Variants in PRKAR1A observed in about 807,000 individuals in gnomAD.
PRKAR1A encodes protein kinase cAMP-dependent type I regulatory subunit alpha.
In PRKAR1A, 3 loss-of-function variants were observed where a neutral mutation model predicts 52.0. The ratio of observed to expected loss-of-function variants is 0.06; its 90% confidence interval spans 0.03 to 0.15. The LOEUF (loss-of-function observed/expected upper bound fraction) is 0.15. Among genes scored for constraint, PRKAR1A ranks in the 10% least tolerant of loss-of-function variants. The probability of loss-of-function intolerance (pLI) is 1.00; values close to 1 mark genes in which losing one functional copy is unlikely to be tolerated. For missense variants in PRKAR1A, 240 were observed against 477.4 expected, an observed-to-expected ratio of 0.50 and a Z score of 4.63; for synonymous variants, 188 against 168.4, an observed-to-expected ratio of 1.12 and a Z score of -0.90.
intron 7 of PRKAR1A, among the ~76,000 whole-genome samples, chr17:68,527,218 A>T (rs1442473544): frequency 6.6e-6 from 1 of 152,186 alleles, no homozygotes; most frequent in Non-Finnish European, 1.5e-5. Context: ...AGGAATTAGG[A>T]ACTGTAGATA....
At position 68,531,343 on chromosome 17, in the gene PRKAR1A, C is replaced by T; in HGVS notation, c.*894C>T. 1 of 1,065,934 alleles carries T rather than the reference C, an allele frequency of 9.4e-7. No homozygotes were observed. The highest frequency in any genetic ancestry group is 1.1e-6 in the Non-Finnish European group (1 of 879,500). The allele number at this position is 1,065,934 out of a possible 1,614,324, so 66.0% of individuals were successfully genotyped here. ...CGTTTGGTTAAAGTATGTCCTTCAGCTGACTCCAGTATAATCTCCTCTGCT... is the reference window on the plus strand; with the variant it reads ...CGTTTGGTTAAAGTATGTCCTTCAGTTGACTCCAGTATAATCTCCTCTGCT... On this transcript the variant is annotated 3_prime_UTR_variant, in exon 11 of 11. Transcript: ENST00000589228.
the PRKAR1A span, among the ~76,000 whole-genome samples, chr17:68,436,960 C>G: frequency 6.6e-6 from 1 of 151,028 alleles, no homozygotes; most frequent in African/African-American, 2.4e-5. Context: ...TGCCACTGCA[C>G]TCCAGCCTGG....
chr17:68,533,460 G>A (rs369825066), downstream of PRKAR1A: 2 of 1,033,670 alleles, frequency 1.9e-6, no homozygotes, highest in Non-Finnish European at 1.2e-6. Flanking sequence ...CCTGGTTATA[G>A]TTGAATTCTC....
the PRKAR1A span, among the ~76,000 whole-genome samples, chr17:68,459,923 C>T: frequency 2.0e-5 from 3 of 151,432 alleles, no homozygotes; most frequent in Non-Finnish European, 1.5e-5. Flanking sequence ...CGGGTTCAAG[C>T]GATTCTCCTG....
At chr17:68,541,007 T>C (rs373331457) in intron 11 of PRKAR1A, 1 of 1,550,476 alleles carries the variant, frequency 6.4e-7, no homozygotes, top group Non-Finnish European at 8.7e-7. Context: ...GATGGCAGGG[T>C]GTCGGGGGTC....
Position 68,532,288 on chromosome 17 carries a change from G to A in PRKAR1A, c.*1839G>A, listed in dbSNP as rs886053316. On this transcript the variant is annotated 3_prime_UTR_variant, in exon 11 of 11. Coordinates refer to ENST00000589228, the MANE Select transcript of PRKAR1A (RefSeq NM_002734.5). Reference sequence around the variant, plus strand: ...TAAATGCCAAAATGTACTTAAATGAGTTACTTAGAATGCCATAAAATTGCA... The same window carrying A: ...TAAATGCCAAAATGTACTTAAATGAATTACTTAGAATGCCATAAAATTGCA... 1 of 1,045,930 alleles carries A rather than the reference G, an allele frequency of 9.6e-7. No individual in the cohort carries two copies. The highest frequency in any genetic ancestry group is 4.7e-5 in the South Asian group (1 of 21,498). 64.8% of individuals were successfully genotyped at this position (1,045,930 alleles called of 1,614,324 possible). A position where few individuals can be genotyped will look rare whatever the true frequency, so the allele number is the denominator to read the frequency against.
chr17:68,437,946 CTT>C, the PRKAR1A span, among the ~76,000 whole-genome samples: 2 of 77,438 alleles, frequency 2.6e-5, no homozygotes, highest in East Asian at 3.4e-4. Context: ...AGACATCTCT[CTT>C]AAAAAAAAAA....
the PRKAR1A span, among the ~76,000 whole-genome samples, chr17:68,430,528 T>C: frequency 6.6e-6 from 1 of 152,190 alleles, no homozygotes. Context: ...AGCTTGGGAC[T>C]GTGCCGGGCT....
the PRKAR1A span, among the ~76,000 whole-genome samples, chr17:68,424,203 C>G: frequency 6.6e-6 from 1 of 152,210 alleles, no homozygotes; most frequent in Non-Finnish European, 1.5e-5. Context: ...AACAACTGCT[C>G]TCCGCCACTG....
intron 11 of PRKAR1A, chr17:68,540,543 C>T (rs1423388229): frequency 5.9e-6 from 3 of 508,908 alleles, no homozygotes; most frequent in Non-Finnish European, 1.1e-5. Context: ...TCTTCCCTTC[C>T]TACCTGGTTT....
chr17:68,487,014 C>T, the PRKAR1A span, among the ~76,000 whole-genome samples: 10 of 152,036 alleles, frequency 6.6e-5, no homozygotes, highest in Non-Finnish European at 1.5e-4. Flanking sequence ...GCTGGGATTA[C>T]AGGTTTCTGC....
the PRKAR1A span, among the ~76,000 whole-genome samples, chr17:68,479,449 G>GCTCA: frequency 6.6e-6 from 1 of 152,114 alleles, no homozygotes; most frequent in Non-Finnish European, 1.5e-5. Flanking sequence ...GTTTTCCGAT[G>GCTCA]CTCACATCTA....
At chr17:68,504,945 CCTT>C in the PRKAR1A span, among the ~76,000 whole-genome samples, 1 of 152,130 alleles carries the variant, frequency 6.6e-6, no homozygotes, top group African/African-American at 2.4e-5. Context: ...AATACATACA[CCTT>C]CTATGTACCC....
intron 8 of PRKAR1A, 190 bp from the exon 9 acceptor site, chr17:68,528,680 G>C (rs1257943364): frequency 1.4e-6 from 1 of 698,210 alleles, no homozygotes; most frequent in African/African-American, 1.8e-5. Flanking sequence ...GGATCTAAGG[G>C]CTATCTGCAG....
chr17:68,430,988 CTTCATG>C, the PRKAR1A span, among the ~76,000 whole-genome samples: 2 of 152,122 alleles, frequency 1.3e-5, no homozygotes, highest in Non-Finnish European at 2.9e-5. Context: ...CTCTCTGGGC[CTTCATG>C]TTCTCATCTG....
At chr17:68,520,060 C>T (rs1346230898) in intron 2 of PRKAR1A, among the ~76,000 whole-genome samples, 2 of 152,196 alleles carry the variant, frequency 1.3e-5, no homozygotes, top group African/African-American at 4.8e-5. Context: ...GTCTTATGTT[C>T]TTGACACCAC....
chr17:68,452,951 G>C, the PRKAR1A span: 62 of 1,613,968 alleles, frequency 3.8e-5, no homozygotes, highest in Middle Eastern at 1.6e-4. Context: ...AGAACTCAGA[G>C]AAAACAGCTT....
the PRKAR1A span, chr17:68,428,973 G>A: frequency 2.9e-5 from 43 of 1,499,582 alleles, no homozygotes; most frequent in African/African-American, 4.1e-5. Flanking sequence ...TGATGACAAC[G>A]AAGATGGGCG....
chr17:68,462,633 A>G, the PRKAR1A span, among the ~76,000 whole-genome samples: 1 of 152,190 alleles, frequency 6.6e-6, no homozygotes. Flanking sequence ...TAAGTTGCCA[A>G]AGGCCCTAGG....
Sources: allele counts gnomAD v4.1 joint callset (sites outside exome capture counted in the v4.1 genomes callset), GRCh38; gene constraint gnomAD v4.1.1; transcripts MANE v1.5; gene names NCBI Gene and HGNC (gene_info 2026-07-23, HGNC 2026-07-21).